Variants in NASP observed in about 807,000 individuals in gnomAD.
The protein encoded by NASP is NASP histone chaperone.
NASP carries 24 observed loss-of-function variants against 89.5 expected under a neutral mutation model. That is an observed-to-expected ratio of 0.27 (90% CI 0.19 to 0.38). The LOEUF (loss-of-function observed/expected upper bound fraction) is 0.38, where lower values mean the gene tolerates loss of function less well. Ranked by LOEUF, NASP falls within the 10% of genes least tolerant of loss-of-function variation. The pLI, the probability that NASP is intolerant of heterozygous loss-of-function variation, is 1.00. For missense variants in NASP, 848 were observed against 921.4 expected, an observed-to-expected ratio of 0.92 and a Z score of 1.03; for synonymous variants, 306 against 324.7, an observed-to-expected ratio of 0.94 and a Z score of 0.62.
chr1:45,605,108 C>T (rs1643891124), intron 4 of NASP, 92 bp downstream of exon 4: 2 of 997,896 alleles, frequency 2.0e-6, no homozygotes. Flanking sequence ...ATTGGTTTTA[C>T]CTAGAGAGTT....
chr1:45,586,300 T>TG (rs1216454603), intron 1 of NASP, among the ~76,000 whole-genome samples: 5 of 116,676 alleles, frequency 4.3e-5, no homozygotes, highest in African/African-American at 7.1e-5. Context: ...TGTGTGTGTG[T>TG]GTGTGTGTGG....
chr1:45,616,423 T>TA, intron 12 of NASP, 30 bp downstream of exon 12: 1 of 1,608,026 alleles, frequency 6.2e-7, no homozygotes, highest in African/African-American at 1.3e-5. Flanking sequence ...TTTGGTCACT[T>TA]ACATTAAGTC....
chr1:45,597,475 G>C (rs540484915), intron 2 of NASP, among the ~76,000 whole-genome samples: 1 of 152,138 alleles, frequency 6.6e-6, no homozygotes, highest in South Asian at 2.1e-4. Context: ...GTAGAGTAGT[G>C]AATATGAAAA....
At chr1:45,600,104 T>C (rs938027574) in intron 2 of NASP, among the ~76,000 whole-genome samples, 1 of 152,144 alleles carries the variant, frequency 6.6e-6, no homozygotes, top group Non-Finnish European at 1.5e-5. Context: ...TTGATTGAAT[T>C]AAGAAGAGGG....
chr1:45,585,131 A>C (rs1319410599), intron 1 of NASP, among the ~76,000 whole-genome samples: 1 of 152,218 alleles, frequency 6.6e-6, no homozygotes, highest in Non-Finnish European at 1.5e-5. Flanking sequence ...GCACAGTGCC[A>C]CTCAGGCGTA....
intron 2 of NASP, among the ~76,000 whole-genome samples, chr1:45,600,615 AGT>A (rs1643817062): frequency 2.0e-5 from 3 of 152,140 alleles, no homozygotes; most frequent in Non-Finnish European, 2.9e-5. Context: ...TTGGGTTTCC[AGT>A]TTTTGGCTTA....
chr1:45,611,623 C>G (rs763894290), intron 6 of NASP: 1 of 151,920 alleles, frequency 6.6e-6, no homozygotes, highest in Non-Finnish European at 1.5e-5. Flanking sequence ...TGTGCCACCA[C>G]GCCTGGCTAA....
chr1:45,596,532 CAG>C (rs564517231), intron 2 of NASP, among the ~76,000 whole-genome samples: 5 of 152,170 alleles, frequency 3.3e-5, no homozygotes, highest in Non-Finnish European at 7.3e-5. Context: ...TGTGGTGTGT[CAG>C]AATTTCCTTG....
In NASP at chr1:45,607,790, G is replaced by A; in HGVS notation, c.879G>A (p.Val293=). 1 of 1,614,204 alleles carries A rather than the reference G, an allele frequency of 6.2e-7. No homozygotes were observed. Among genetic ancestry groups the A allele is most frequent in the Non-Finnish European group, 8.5e-7 (1 of 1,180,042 alleles). The change falls in exon 6 of 15, where the codon GTG becomes GTA. Residue 293 remains valine (V), a synonymous_variant. Transcript: ENST00000350030. ...VVTLEKQGTA[V]EVEAESLDPT... ...CTCTAGAAAAGCAGGGCACTGCAGT[G>A]GAGGTAGAAGCAGAGTCTTTAGACC...
intron 8 of NASP, 28 bp from the exon 9 acceptor site, chr1:45,614,262 TAAG>T: frequency 6.2e-7 from 1 of 1,606,508 alleles, no homozygotes; most frequent in Non-Finnish European, 8.5e-7. Flanking sequence ...CAGGTACTGT[TAAG>T]GTTTTTGATC....
In NASP at chr1:45,606,462, G is replaced by A. The variant is rs1643909713; in HGVS notation, c.300-20G>A. ...AGGTTCTAGCCATCAAACCTTTGGT[G>A]CTTTCTTTTGTTCTCCTAGAATGGA... is the stretch of plus-strand genomic sequence containing the variant. On this transcript the variant is annotated intron_variant, in intron 4 of 14. Coordinates refer to ENST00000350030, the MANE Select transcript of NASP (RefSeq NM_002482.4). The A allele has an allele frequency of 6.3e-7, 1 of 1,580,522 alleles. No homozygotes were observed. The highest frequency in any genetic ancestry group is 2.2e-5 in the East Asian group (1 of 44,688).
chr1:45,615,489 TTTGATAA>T lies in NASP; in HGVS notation c.2022+20_2022+26del. ...CTACTCTGGTTGGTTCCGTTAACAT[TTTGATAA>T]TAGCATGTTTGGTACCATTTATGTT... On this transcript the variant is annotated intron_variant, in intron 11 of 14. Coordinates refer to ENST00000350030, the MANE Select transcript of NASP (RefSeq NM_002482.4). 1.3e-6 allele frequency: 2 copies of T among 1,596,932 alleles called. No homozygotes were observed. Among genetic ancestry groups the T allele is most frequent in the African/African-American group, 2.7e-5 (2 of 73,904 alleles).
At chr1:45,609,665 G>A (rs1265088184) in intron 6 of NASP, 1 of 152,162 alleles carries the variant, frequency 6.6e-6, no homozygotes, top group African/African-American at 2.4e-5. Flanking sequence ...TCGAAAACTC[G>A]TTGGATCATA....
At chr1:45,614,663 C>T (rs181729749) in intron 9 of NASP, among the ~76,000 whole-genome samples, 106 of 152,212 alleles carry the variant, frequency 7.0e-4, no homozygotes, top group African/African-American at 2.4e-3. Context: ...CTCAGGCTCT[C>T]GAGTAGCTGG....
At chr1:45,592,062 A>C (rs565629544) in intron 2 of NASP, among the ~76,000 whole-genome samples, 1 of 152,220 alleles carries the variant, frequency 6.6e-6, no homozygotes. Flanking sequence ...ATCTTGGCTC[A>C]CTGCAACATC....
intron 3 of NASP, among the ~76,000 whole-genome samples, chr1:45,604,327 G>A (rs1485641740): frequency 1.3e-5 from 2 of 152,164 alleles, no homozygotes; most frequent in African/African-American, 4.8e-5. Flanking sequence ...TAATAGCTAA[G>A]ACTTAATACA....
At chr1:45,599,118 TTTTG>T (rs546440851) in intron 2 of NASP, among the ~76,000 whole-genome samples, 53 of 151,864 alleles carry the variant, frequency 3.5e-4, no homozygotes, top group East Asian at 1.4e-3. Context: ...GAAAGAGTGT[TTTTG>T]TTTGTTTGTT....
At chr1:45,596,898 G>A (rs917570687) in intron 2 of NASP, among the ~76,000 whole-genome samples, 4 of 152,042 alleles carry the variant, frequency 2.6e-5, no homozygotes, top group Admixed American at 6.6e-5. Flanking sequence ...CAGGAGAATC[G>A]CTTGAACCTG....
intron 3 of NASP, among the ~76,000 whole-genome samples, chr1:45,602,604 C>T (rs1193280882): frequency 6.6e-6 from 1 of 152,128 alleles, no homozygotes; most frequent in African/African-American, 2.4e-5. Flanking sequence ...TGGGTGACCA[C>T]ACCTTGTCCT....
Sources: allele counts gnomAD v4.1 joint callset (sites outside exome capture counted in the v4.1 genomes callset), GRCh38; gene constraint gnomAD v4.1.1; transcripts MANE v1.5; gene names NCBI Gene and HGNC (gene_info 2026-07-23, HGNC 2026-07-21).